Variants in ZDHHC20 observed in about 807,000 individuals in gnomAD.
The protein encoded by ZDHHC20 is zDHHC palmitoyltransferase 20.
A neutral mutation model predicts 57.8 loss-of-function variants in ZDHHC20; 43 were observed. That is an observed-to-expected ratio of 0.74 (90% CI 0.58 to 0.96). The LOEUF (loss-of-function observed/expected upper bound fraction) is 0.96. ZDHHC20 is among the 40% of genes least tolerant of loss of function. The pLI, the probability that ZDHHC20 is intolerant of heterozygous loss-of-function variation, is 0.00. For synonymous variants in ZDHHC20, 157 were observed against 153.0 expected (o/e 1.03, Z -0.19); for missense variants, 391 against 441.1 (o/e 0.89, Z 1.02).
intron 1 of ZDHHC20, among the ~76,000 whole-genome samples, chr13:21,433,350 G>T (rs1018464674): frequency 6.6e-6 from 1 of 152,130 alleles, no homozygotes; most frequent in Non-Finnish European, 1.5e-5. Flanking sequence ...AGGCATGGTG[G>T]CTCATGCCTG....
chr13:21,380,066 C>T (rs903945099), intron 11 of ZDHHC20, among the ~76,000 whole-genome samples: 3 of 151,850 alleles, frequency 2.0e-5, no homozygotes, highest in African/African-American at 4.8e-5. Flanking sequence ...CCGCCTGCCT[C>T]GGCCTCCCAA....
chr13:21,457,327 C>G (rs1885007308), intron 1 of ZDHHC20, among the ~76,000 whole-genome samples: 1 of 152,112 alleles, frequency 6.6e-6, no homozygotes, highest in Non-Finnish European at 1.5e-5. Context: ...TAGGAATAAT[C>G]TTCTGACAGA....
At position 21,376,033 on chromosome 13, in the gene ZDHHC20, T is replaced by G. The variant is rs931938532; in HGVS notation, c.*663A>C. The G allele has an allele frequency of 2.0e-5, 3 of 152,226 alleles. No homozygotes were observed. The highest frequency in any genetic ancestry group is 7.2e-5 in the African/African-American group (3 of 41,470). 9.4% of individuals were successfully genotyped at this position (152,226 alleles called of 1,614,324 possible). Reference sequence around the variant, plus strand: ...TTGCTCTACTACATGGTTGTATTAATGCTCATAACTAAGCTTTCGATGAAT... The same window carrying G: ...TTGCTCTACTACATGGTTGTATTAAGGCTCATAACTAAGCTTTCGATGAAT... On this transcript the variant is annotated 3_prime_UTR_variant, in exon 13 of 13. Transcript: ENST00000400590.
rs566679463 is a variant in ZDHHC20, at chr13:21,420,202, G to A, written c.249+859C>T. On this transcript the variant is annotated intron_variant, in intron 3 of 12. Transcript: ENST00000400590. ...CTCAGGAGGCTGAGGCAGGAGAATC[G>A]CTTGAACCTGGGAGGCGGAGGTTGT... Among the ~76,000 whole-genome samples, 15 of 152,234 alleles carry A rather than the reference G, an allele frequency of 9.9e-5. 1 individual carries two copies. Among genetic ancestry groups the A allele is most frequent in the Admixed American group, 3.3e-4 (5 of 15,284 alleles).
intron 4 of ZDHHC20, among the ~76,000 whole-genome samples, chr13:21,412,992 C>A (rs199692865): frequency 3.2e-3 from 312 of 98,064 alleles, no homozygotes; most frequent in Middle Eastern, 0.013. Flanking sequence ...AAAAAAAAAA[C>A]AATTTCCCAA....
At chr13:21,411,016 C>T (rs1324455791) in intron 4 of ZDHHC20, among the ~76,000 whole-genome samples, 1 of 152,220 alleles carries the variant, frequency 6.6e-6, no homozygotes, top group Non-Finnish European at 1.5e-5. Context: ...ATCTCCTGGT[C>T]TGTGGGTTGC....
chr13:21,456,187 C>T (rs548890162), intron 1 of ZDHHC20, among the ~76,000 whole-genome samples: 1 of 152,114 alleles, frequency 6.6e-6, no homozygotes, highest in Non-Finnish European at 1.5e-5. Context: ...GGGTGGATTG[C>T]CTGAGGTCAG....
chr13:21,437,714 T>TG (rs1443700542), intron 1 of ZDHHC20, among the ~76,000 whole-genome samples: 10 of 151,414 alleles, frequency 6.6e-5, no homozygotes, highest in African/African-American at 2.2e-4. Context: ...TTTTTTGAGA[T>TG]GGAGTCTCAC....
chr13:21,381,856 A>T (rs1232148305), intron 10 of ZDHHC20: 2 of 568,412 alleles, frequency 3.5e-6, no homozygotes, highest in East Asian at 8.4e-5. Context: ...AGGTAGTACA[A>T]GGACAGGTGA....
At chr13:21,400,588 G>C in intron 6 of ZDHHC20, 95 bp from the exon 7 acceptor site, 1 of 1,307,246 alleles carries the variant, frequency 7.6e-7, no homozygotes, top group Non-Finnish European at 1.0e-6. Context: ...GGCTGGTGTG[G>C]TGTGGGGAAG....
In ZDHHC20 at chr13:21,400,358, G is replaced by GA; in HGVS notation, c.594+14dup. On this transcript the variant is annotated intron_variant, in intron 7 of 12. Transcript: ENST00000400590. ...AGTCTTAAATACATGTTTCAAGATA[G>GA]AAAAAAAGACTTACCGTCCAAAATT... 1 of 1,569,794 alleles carries GA rather than the reference G, an allele frequency of 6.4e-7. No individual in the cohort carries two copies. Among genetic ancestry groups the GA allele is most frequent in the Non-Finnish European group, 8.6e-7 (1 of 1,167,124 alleles).
chr13:21,378,696 G>C lies in ZDHHC20; in HGVS notation c.*5C>G. The stretch of plus-strand genomic sequence containing the variant: ...TTCAAATGGTTAGTTATGAACAAGT[G>C]GTACTCAATTTTCTATTGCCACTGT... On this transcript the variant is annotated 3_prime_UTR_variant, in exon 12 of 13. Coordinates refer to ENST00000400590, the MANE Select transcript of ZDHHC20 (RefSeq NM_001330059.2). The C allele has an allele frequency of 4.1e-6, 6 of 1,468,184 alleles. No homozygotes were observed. The highest frequency in any genetic ancestry group is 5.4e-6 in the Non-Finnish European group (6 of 1,101,542). The allele number at this position is 1,468,184 out of a possible 1,614,324, so 90.9% of individuals were successfully genotyped here.
intron 1 of ZDHHC20, among the ~76,000 whole-genome samples, chr13:21,448,477 C>T: frequency 9.9e-6 from 1 of 101,522 alleles, no homozygotes; most frequent in African/African-American, 3.2e-5. Flanking sequence ...GGGGGGTCAG[C>T]CCCGCCGCCC....
chr13:21,440,887 T>TA (rs528797176), intron 1 of ZDHHC20, among the ~76,000 whole-genome samples: 4 of 148,434 alleles, frequency 2.7e-5, no homozygotes, highest in South Asian at 2.1e-4. Context: ...CCACACAGTT[T>TA]AAAAAAAAAA....
At chr13:21,391,653 C>G (rs780888271) in intron 8 of ZDHHC20, 69 bp downstream of exon 8, 6 of 1,498,486 alleles carry the variant, frequency 4.0e-6, no homozygotes, top group Non-Finnish European at 4.5e-6. Flanking sequence ...GACCCTTGTT[C>G]TTCTCTAGAT....
chr13:21,377,771 A>G (rs1340787773), intron 12 of ZDHHC20: 1 of 154,346 alleles, frequency 6.5e-6, no homozygotes, highest in African/African-American at 2.4e-5. Context: ...ACTGCTGAGG[A>G]CAAGCCCACA....
At chr13:21,410,908 CG>C (rs1393889686) in intron 4 of ZDHHC20, among the ~76,000 whole-genome samples, 5 of 151,920 alleles carry the variant, frequency 3.3e-5, no homozygotes, top group African/African-American at 1.2e-4. Context: ...CACTGGGGTA[CG>C]AAAAAAAACT....
chr13:21,415,593 G>A (rs1879854573), intron 3 of ZDHHC20, among the ~76,000 whole-genome samples: 3 of 152,200 alleles, frequency 2.0e-5, no homozygotes. Context: ...ATTTCTGACA[G>A]ATTGGGCCCC....
In ZDHHC20 at chr13:21,411,759, T is replaced by C. The variant is rs181672531; in HGVS notation, c.370+1893A>G. Among the ~76,000 whole-genome samples the C allele has an allele frequency of 9.2e-5, 14 of 152,196 alleles. No homozygotes were observed. In the South Asian group the frequency reaches 2.3e-3, roughly 25 times the overall value. Reference sequence around the variant, plus strand: ...AGAATGACGGTGCCAAGGATAGAAATAGAGCTGAGTTTGTGTGAGGGTAGT... The same window carrying C: ...AGAATGACGGTGCCAAGGATAGAAACAGAGCTGAGTTTGTGTGAGGGTAGT... On this transcript the variant is annotated intron_variant, in intron 4 of 12. Coordinates refer to ENST00000400590, the MANE Select transcript of ZDHHC20 (RefSeq NM_001330059.2).
Sources: gnomAD v4.1 joint callset for allele counts (sites outside exome capture counted in the v4.1 genomes callset) on GRCh38, gnomAD v4.1.1 for gene constraint, MANE v1.5 for transcripts, NCBI Gene and HGNC (gene_info 2026-07-23, HGNC 2026-07-21) for gene names.